Variants in MELK observed in about 807,000 individuals in gnomAD.
MELK encodes the protein pEg3 kinase.
A neutral mutation model predicts 85.0 loss-of-function variants in MELK; 81 were observed. That is an observed-to-expected ratio of 0.95 (90% CI 0.80 to 1.15). The LOEUF is 1.15. Ranked by LOEUF, MELK falls within the 50% of genes most tolerant of loss-of-function variation. MELK has a pLI of 0.00. For synonymous variants in MELK, 252 were observed against 265.0 expected, an observed-to-expected ratio of 0.95 and a Z score of 0.48; for missense variants, 754 against 777.5, an observed-to-expected ratio of 0.97 and a Z score of 0.36.
chr9:36,643,126 T>TA, intron 11 of MELK, 43 bp downstream of exon 11: 1 of 1,533,590 alleles, frequency 6.5e-7, no homozygotes, highest in Non-Finnish European at 9.0e-7. Context: ...CTCACGCCTG[T>TA]AATCCAAACA....
At chr9:36,627,529 T>C (rs933123382) in intron 8 of MELK, among the ~76,000 whole-genome samples, 192 of 151,354 alleles carry the variant, frequency 1.3e-3, no homozygotes, top group African/African-American at 4.3e-3. Flanking sequence ...TCTCTCTTTT[T>C]TTTTTTTTTT....
intron 8 of MELK, among the ~76,000 whole-genome samples, chr9:36,626,133 A>G (rs1827904803): frequency 6.6e-6 from 1 of 152,168 alleles, no homozygotes; most frequent in South Asian, 2.1e-4. Flanking sequence ...TTATACACTA[A>G]AAGCTGATTG....
chr9:36,666,196 T>C (rs1292387170), intron 14 of MELK, among the ~76,000 whole-genome samples: 3 of 152,238 alleles, frequency 2.0e-5, no homozygotes, highest in Non-Finnish European at 2.9e-5. Flanking sequence ...ATTTCCTTTA[T>C]GATACTTCAC....
intron 12 of MELK, among the ~76,000 whole-genome samples, chr9:36,655,193 A>G (rs77695417): frequency 0.028 from 4,233 of 152,310 alleles, 89 homozygotes; most frequent in Non-Finnish European, 0.045. Flanking sequence ...ACATATATAT[A>G]CATAGATAAT....
At chr9:36,590,459 C>T (rs1468084620) in intron 4 of MELK, among the ~76,000 whole-genome samples, 1 of 152,124 alleles carries the variant, frequency 6.6e-6, no homozygotes, top group African/African-American at 2.4e-5. Context: ...TTTATAGATG[C>T]ACCACTCCCA....
chr9:36,597,642 T>C (rs1243939457), intron 6 of MELK, among the ~76,000 whole-genome samples: 1 of 152,224 alleles, frequency 6.6e-6, no homozygotes, highest in African/African-American at 2.4e-5. Flanking sequence ...TGCCTTTGTT[T>C]GTTTAGATAA....
chr9:36,648,053 G>A (rs530616301), intron 11 of MELK, among the ~76,000 whole-genome samples: 1 of 152,242 alleles, frequency 6.6e-6, no homozygotes, highest in Admixed American at 6.5e-5. Flanking sequence ...ACTGTTAAAA[G>A]TTAACACTTT....
chr9:36,641,331 T>C lies in MELK; in HGVS notation c.835-1666T>C, dbSNP rs902959971. Among the ~76,000 whole-genome samples, 7 of 152,220 alleles carry C rather than the reference T, an allele frequency of 4.6e-5. No homozygotes were observed. In the East Asian group the frequency reaches 1.2e-3, roughly 25 times the overall value. ...TTGCAGGGCACATACCATCTCTCTC[T>C]AGCAGATGATGAAACTGAGACTCAG... On this transcript the variant is annotated intron_variant, in intron 10 of 17. Coordinates refer to ENST00000298048, the MANE Select transcript of MELK (RefSeq NM_014791.4).
intron 11 of MELK, among the ~76,000 whole-genome samples, chr9:36,646,501 C>T (rs996822591): frequency 4.6e-5 from 7 of 152,214 alleles, no homozygotes; most frequent in African/African-American, 1.7e-4. Context: ...CTCTATGCAG[C>T]GGTGAGCCTC....
chr9:36,674,000 C>T (rs1043728302), intron 16 of MELK, among the ~76,000 whole-genome samples: 9 of 152,150 alleles, frequency 5.9e-5, no homozygotes, highest in African/African-American at 2.2e-4. Context: ...ATTTGTATCT[C>T]TTCTTTGGGC....
In MELK at chr9:36,581,725, A is replaced by G. The variant is rs1822255375; in HGVS notation, c.44A>G (p.Glu15Gly). 1.3e-6 allele frequency: 2 copies of G among 1,595,264 alleles called. No homozygotes were observed. Among genetic ancestry groups the G allele is most frequent in the South Asian group, 2.2e-5 (2 of 90,476 alleles). Residue 15 changes from glutamate to glycine, a missense_variant, in exon 2 of 18, where the codon GAA becomes GGA. Transcript: ENST00000298048. ...CTTCTCAAATATTATGAATTACATG[A>G]AACTATTGGGACAGGTAATTGTTAT... ...DELLKYYELH[E>G]TIGTGGFAKV...
chr9:36,615,206 C>T (rs547252107), intron 8 of MELK, among the ~76,000 whole-genome samples: 111 of 144,346 alleles, frequency 7.7e-4, no homozygotes, highest in Non-Finnish European at 1.2e-3. Flanking sequence ...GGCTGACCCC[C>T]CCACCTCCCT....
chr9:36,596,423 T>A (rs889151127), intron 5 of MELK, among the ~76,000 whole-genome samples: 4 of 151,700 alleles, frequency 2.6e-5, no homozygotes, highest in African/African-American at 7.3e-5. Flanking sequence ...GCCCGGCTAA[T>A]TTTTTTTGTA....
intron 8 of MELK, among the ~76,000 whole-genome samples, chr9:36,615,843 C>A (rs1010992623): frequency 2.0e-5 from 3 of 149,620 alleles, no homozygotes; most frequent in South Asian, 2.1e-4. Flanking sequence ...GGATGGCGGC[C>A]GGGCGGAGAC....
Position 36,674,898 on chromosome 9 carries a change from C to A in MELK, c.1739C>A (p.Ser580Tyr). 6.3e-7 allele frequency: 1 copy of A among 1,598,834 alleles called. No homozygotes were observed. The highest frequency in any genetic ancestry group is 8.6e-7 in the Non-Finnish European group (1 of 1,166,186). The change falls in exon 17 of 18, where the codon TCT (serine) becomes TAT (tyrosine). Residue 580 changes from serine (S) to tyrosine (Y), a missense_variant. By Grantham distance (144) the Ser-to-Tyr change is moderately radical. Transcript: ENST00000298048. ...NPDQLLNEIM[S>Y]ILPKKHVDFV... ...GATCAACTGTTGAATGAAATAATGT[C>A]TATTCTTCCAAAGAAGCATGTTGAC...
intron 17 of MELK, 143 bp from the exon 18 acceptor site, chr9:36,677,017 G>A: frequency 1.6e-6 from 1 of 632,046 alleles, no homozygotes; most frequent in Non-Finnish European, 2.6e-6. Flanking sequence ...GCATAGCTAG[G>A]TCATTTGGAA....
At position 36,596,736 on chromosome 9, in the gene MELK, G is replaced by A. The variant is rs1442930168; in HGVS notation, c.406-486G>A. 2.6e-5 allele frequency among the ~76,000 whole-genome samples: 4 copies of A among 151,546 alleles called. No individual in the cohort carries two copies. In the South Asian group the frequency reaches 6.2e-4, roughly 24 times the overall value. On this transcript the variant is annotated intron_variant, in intron 5 of 17. Transcript: ENST00000298048. ...CAAGTAGCTGGGATTACAGGTATGC[G>A]CCACCATGCTCAGCTAATTTTGTAT... is the stretch of plus-strand genomic sequence containing the variant.
rs10125094 is a variant in MELK, at chr9:36,573,926, A to G, written c.-39+919A>G. On this transcript the variant is annotated intron_variant, in intron 1 of 17. Coordinates refer to ENST00000298048, the MANE Select transcript of MELK (RefSeq NM_014791.4). Reference sequence around the variant, plus strand: ...AGGGTAGACTCAGGGAAGGCTGCCCAAGAGAGGAATCAGGTCCCTAGCACT... The same window carrying G: ...AGGGTAGACTCAGGGAAGGCTGCCCGAGAGAGGAATCAGGTCCCTAGCACT... Among the ~76,000 whole-genome samples the G allele has an allele frequency of 5.4e-3, 817 of 152,192 alleles. 10 individuals carry two copies. The highest frequency in any genetic ancestry group is 0.019 in the African/African-American group (772 of 41,532).
chr9:36,577,255 G>A (rs1484460531), intron 1 of MELK, among the ~76,000 whole-genome samples: 4 of 152,136 alleles, frequency 2.6e-5, no homozygotes, highest in Admixed American at 6.5e-5. Flanking sequence ...GCTCACGCCT[G>A]TAATCCCAGC....
Sources: gnomAD v4.1 joint callset for allele counts (sites outside exome capture counted in the v4.1 genomes callset) on GRCh38, gnomAD v4.1.1 for gene constraint, MANE v1.5 for transcripts, NCBI Gene and HGNC (gene_info 2026-07-23, HGNC 2026-07-21) for gene names.